USP42: variants seen among roughly 807,000 people sequenced by gnomAD.
USP42 encodes ubiquitin carboxyl-terminal hydrolase 42.
USP42 carries 23 observed loss-of-function variants against 113.0 expected under a neutral mutation model. The observed-to-expected ratio is 0.20, with a 90% CI of 0.15 to 0.29. The LOEUF (loss-of-function observed/expected upper bound fraction) is 0.29. Among genes scored for constraint, USP42 ranks in the 10% least tolerant of loss-of-function variants. The pLI, the probability that USP42 is intolerant of heterozygous loss-of-function variation, is 1.00. For synonymous variants in USP42, 933 were observed against 699.0 expected (o/e 1.33, Z -5.28); for missense variants, 2,174 against 1,779.8 (o/e 1.22, Z -3.99).
At chr7:6,096,946 GAC>G in the USP42 span, among the ~76,000 whole-genome samples, 1 of 142,904 alleles carries the variant, frequency 7.0e-6, no homozygotes, top group Non-Finnish European at 1.5e-5. Context: ...TTTTTTTTGA[GAC>G]AGTCTTCCTC....
intron 4 of USP42, 30 bp downstream of exon 4, chr7:6,135,981 T>G (rs757265981): frequency 7.2e-6 from 10 of 1,380,044 alleles, no homozygotes; most frequent in East Asian, 4.9e-5. Context: ...GTTTTATATT[T>G]GTATTTATTA....
chr7:6,093,404 G>C, the USP42 span, among the ~76,000 whole-genome samples: 5 of 150,406 alleles, frequency 3.3e-5, no homozygotes, highest in African/African-American at 1.2e-4. Context: ...TCATGCCTCA[G>C]ATTCCCGAGT....
intron 3 of USP42, among the ~76,000 whole-genome samples, chr7:6,120,906 A>G (rs1283881363): frequency 1.3e-5 from 2 of 152,174 alleles, no homozygotes; most frequent in African/African-American, 2.4e-5. Context: ...TTCATTAACT[A>G]TTACAAAGGG....
chr7:6,129,465 G>C (rs977956184), intron 3 of USP42, among the ~76,000 whole-genome samples: 2 of 151,538 alleles, frequency 1.3e-5, no homozygotes, highest in South Asian at 4.2e-4. Flanking sequence ...GCTGAGGAAG[G>C]AGAATTGTTT....
intron 3 of USP42, among the ~76,000 whole-genome samples, chr7:6,122,574 G>A (rs1263884956): frequency 2.0e-5 from 3 of 151,954 alleles, no homozygotes; most frequent in Non-Finnish European, 4.4e-5. Context: ...GGGTTCAAGC[G>A]ATTCTCCTGC....
chr7:6,152,382 G>T (rs1264664327), intron 14 of USP42, among the ~76,000 whole-genome samples: 1 of 152,250 alleles, frequency 6.6e-6, no homozygotes, highest in African/African-American at 2.4e-5. Flanking sequence ...CAGTGTCAGT[G>T]AAAACCGTGC....
rs1781929608 is a variant in USP42, at chr7:6,149,792, T to G, written c.1596T>G (p.Val532=). 1 of 1,614,046 alleles carries G rather than the reference T, an allele frequency of 6.2e-7. No individual in the cohort carries two copies. The highest frequency in any genetic ancestry group is 8.5e-7 in the Non-Finnish European group (1 of 1,179,898). The part of the protein sequence containing the change: ...ITISIHNKLP[V]RQCQSQPNLH... ...TCAGTATTCACAACAAGTTGCCTGT[T>G]CGCCAGTGTCAGTCTCAACCTAACC... Residue 532 remains valine (V), a synonymous_variant, in exon 13 of 18, where the codon GTT becomes GTG. Coordinates refer to ENST00000306177, the MANE Select transcript of USP42 (RefSeq NM_032172.3).
In USP42 at chr7:6,139,796, G is replaced by C. The variant is rs971542720; in HGVS notation, c.657-332G>C. 2.6e-6 allele frequency: 1 copy of C among 391,532 alleles called. No homozygotes were observed. The highest frequency in any genetic ancestry group is 4.7e-6 in the Non-Finnish European group (1 of 211,846). 24.3% of individuals were successfully genotyped at this position (391,532 alleles called of 1,614,324 possible). On this transcript the variant is annotated intron_variant, in intron 5 of 17. Transcript: ENST00000306177. The surrounding 1 kb of genome is among the most constrained non-coding windows in gnomAD (Gnocchi z 4.5). The stretch of plus-strand genomic sequence containing the variant: ...CGGAGGAAGACTCTCTGCCTTTTCC[G>C]CCTCCGCTCCCTTTCCTCCCACACA...
At position 6,154,642 on chromosome 7, in the gene USP42, C is replaced by G. The variant is rs576245436; in HGVS notation, c.3088C>G (p.Leu1030Val). Residue 1030 changes from leucine (L) to valine (V), a missense_variant, in exon 15 of 18, where the codon CTG becomes GTG. Leu to Val is a conservative substitution (Grantham distance 32). Coordinates refer to ENST00000306177, the MANE Select transcript of USP42 (RefSeq NM_032172.3). ...HHSRHRSGVE[L>V]DWVRHHYTEG... ...CTCCCGACACCGGAGCGGGGTGGAGCTGGACTGGGTCAGACACCACTACAC... is the reference window on the plus strand; with the variant it reads ...CTCCCGACACCGGAGCGGGGTGGAGGTGGACTGGGTCAGACACCACTACAC... 1.2e-6 allele frequency: 2 copies of G among 1,605,088 alleles called. No homozygotes were observed. Among genetic ancestry groups the G allele is most frequent in the East Asian group, 2.2e-5 (1 of 44,550 alleles).
chr7:6,111,846 C>G (rs1350921253), intron 2 of USP42: 1 of 154,980 alleles, frequency 6.5e-6, no homozygotes, highest in African/African-American at 2.4e-5. Flanking sequence ...ATCTTCTGAC[C>G]TCATGATCCA....
rs1781942184 is a variant in USP42, at chr7:6,149,936, A to G, written c.1740A>G (p.Lys580=). 1 of 1,613,866 alleles carries G rather than the reference A, an allele frequency of 6.2e-7. No individual in the cohort carries two copies. Among genetic ancestry groups the G allele is most frequent in the Non-Finnish European group, 8.5e-7 (1 of 1,179,896 alleles). Residue 580 remains lysine, a synonymous_variant, in exon 13 of 18, where the codon AAA becomes AAG. Transcript: ENST00000306177. ...STMSVSSKVT[K]PIPRSESCSQ... is the part of the protein sequence containing the mutation. Reference sequence around the variant, plus strand: ...TGTCAGTTTCTAGTAAAGTAACAAAACCGATCCCCCGCAGTGAATCCTGCT... The same window carrying G: ...TGTCAGTTTCTAGTAAAGTAACAAAGCCGATCCCCCGCAGTGAATCCTGCT...
chr7:6,112,431 C>G (rs1466542638), intron 2 of USP42, among the ~76,000 whole-genome samples: 1 of 151,156 alleles, frequency 6.6e-6, no homozygotes, highest in Non-Finnish European at 1.5e-5. Flanking sequence ...GCCTGGGCAA[C>G]AGAGTGAGAC....
the USP42 span, among the ~76,000 whole-genome samples, chr7:6,091,824 G>C: frequency 2.0e-5 from 3 of 150,404 alleles, no homozygotes; most frequent in African/African-American, 7.5e-5. Context: ...AACTGGGCTT[G>C]ATCCCTCCCA....
At chr7:6,104,563 G>A (rs1367160539), upstream of USP42, among the ~76,000 whole-genome samples, 1 of 152,238 alleles carries the variant, frequency 6.6e-6, no homozygotes, top group Non-Finnish European at 1.5e-5. Context: ...AACGCATCTG[G>A]GGTCAAGCGC....
intron 7 of USP42, among the ~76,000 whole-genome samples, chr7:6,142,557 T>C (rs1244333652): frequency 1.3e-5 from 2 of 152,322 alleles, no homozygotes; most frequent in Non-Finnish European, 1.5e-5. Context: ...TTTGCTGTTA[T>C]ATCTTTGAGT....
In USP42 at chr7:6,139,851, C is replaced by G. The variant is rs1258152810; in HGVS notation, c.657-277C>G. The G allele has an allele frequency of 2.0e-6, 1 of 501,518 alleles. No individual in the cohort carries two copies. Among genetic ancestry groups the G allele is most frequent in the Non-Finnish European group, 3.6e-6 (1 of 278,592 alleles). 31.1% of individuals were successfully genotyped at this position (501,518 alleles called of 1,614,324 possible). A position where few individuals can be genotyped will look rare whatever the true frequency, so the allele number is the denominator to read the frequency against. ...GCAGTGCCCGGAGGCTGCCATCTTC[C>G]TGCTTCAGGACCAGACTCCTGCCTT... On this transcript the variant is annotated intron_variant, in intron 5 of 17. Transcript: ENST00000306177. The surrounding 1 kb of genome is among the most constrained non-coding windows in gnomAD (Gnocchi z 4.5).
At chr7:6,086,716 C>CTTTTCCT in the USP42 span, among the ~76,000 whole-genome samples, 1 of 146,342 alleles carries the variant, frequency 6.8e-6, no homozygotes, top group Non-Finnish European at 1.5e-5. Flanking sequence ...TTTCCTTTTC[C>CTTTTCCT]TTTTCCTTTT....
At chr7:6,116,856 G>A (rs1448009619) in intron 3 of USP42, 2 of 532,920 alleles carry the variant, frequency 3.8e-6, no homozygotes, top group Admixed American at 1.9e-5. Flanking sequence ...AAAGTAGGGT[G>A]TGGATGAAAA....
At chr7:6,116,820 C>G (rs541995778) in intron 3 of USP42, 3 of 533,288 alleles carry the variant, frequency 5.6e-6, no homozygotes, top group African/African-American at 1.9e-5. Flanking sequence ...CCACAGACAG[C>G]TTTCCTATCA....
Sources: allele counts gnomAD v4.1 joint callset (sites outside exome capture counted in the v4.1 genomes callset), GRCh38; gene constraint gnomAD v4.1.1; non-coding constraint Gnocchi (gnomAD v3.1); transcripts MANE v1.5; gene names NCBI Gene and HGNC (gene_info 2026-07-23, HGNC 2026-07-21).